SEMA3D: variants seen among roughly 807,000 people sequenced by gnomAD.
The protein encoded by SEMA3D is semaphorin-3D.
Under a neutral mutation model 100.1 loss-of-function variants are expected in SEMA3D, and 84 were observed. That is an observed-to-expected ratio of 0.84 (90% confidence interval 0.70 to 1.01). The LOEUF (loss-of-function observed/expected upper bound fraction) is 1.01. Ranked by LOEUF, SEMA3D falls within the 50% of genes least tolerant of loss-of-function variation. The probability of loss-of-function intolerance (pLI) is 0.00; values close to 1 mark genes in which losing one functional copy is unlikely to be tolerated. For synonymous variants in SEMA3D, 312 were observed against 320.7 expected, an observed-to-expected ratio of 0.97 and a Z score of 0.29; for missense variants, 875 against 934.1, an observed-to-expected ratio of 0.94 and a Z score of 0.82.
intron 8 of SEMA3D, among the ~76,000 whole-genome samples, chr7:85,063,582 T>C (rs1791534363): frequency 6.6e-6 from 1 of 152,212 alleles, no homozygotes; most frequent in Non-Finnish European, 1.5e-5. Context: ...ATATTCTCTC[T>C]CAAATATTCT....
At chr7:85,205,614 TC>T in the SEMA3D span, among the ~76,000 whole-genome samples, 1 of 152,074 alleles carries the variant, frequency 6.6e-6, no homozygotes, top group Non-Finnish European at 1.5e-5. Context: ...TTAAAAAAAA[TC>T]AAACCCTGGG....
At chr7:85,135,660 T>TAAAG (rs994998387) in intron 2 of SEMA3D, among the ~76,000 whole-genome samples, 5 of 144,686 alleles carry the variant, frequency 3.5e-5, no homozygotes, top group African/African-American at 1.3e-4. Context: ...TATAATAAAA[T>TAAAG]AAATAAATAA....
chr7:85,020,364 A>G, intron 13 of SEMA3D, 43 bp from the exon 14 acceptor site: 1 of 1,429,000 alleles, frequency 7.0e-7, no homozygotes, highest in Non-Finnish European at 9.8e-7. Flanking sequence ...TTCTATCTCA[A>G]AAATTAGTGG....
intron 2 of SEMA3D, chr7:85,143,018 A>G (rs1159611629): frequency 2.1e-6 from 2 of 958,222 alleles, no homozygotes; most frequent in Non-Finnish European, 2.5e-6. Flanking sequence ...TTCAATAAAT[A>G]TGGCTTTCAT....
chr7:85,104,877 T>C (rs1224461183), intron 3 of SEMA3D, among the ~76,000 whole-genome samples: 2 of 151,652 alleles, frequency 1.3e-5, no homozygotes, highest in African/African-American at 4.8e-5. Context: ...AAAAAGAAAA[T>C]CAGCTTTGGA....
At chr7:85,235,335 T>C in the SEMA3D span, among the ~76,000 whole-genome samples, 4 of 152,168 alleles carry the variant, frequency 2.6e-5, no homozygotes, top group African/African-American at 9.7e-5. Context: ...GTCGGGGGTA[T>C]TTATAAGGCA....
chr7:85,162,507 C>A (rs1487326210), intron 1 of SEMA3D, among the ~76,000 whole-genome samples: 1 of 152,034 alleles, frequency 6.6e-6, no homozygotes. Flanking sequence ...ATTGAATGAC[C>A]TTTGTTTTCT....
At chr7:85,225,050 TTATATATATA>T in the SEMA3D span, among the ~76,000 whole-genome samples, 1,559 of 76,684 alleles carry the variant, frequency 0.02, 30 homozygotes, top group East Asian at 0.04. Flanking sequence ...TGATTTTCTT[TTATATATATA>T]TATATATATA....
intron 1 of SEMA3D, among the ~76,000 whole-genome samples, chr7:85,171,964 T>A (rs1447857696): frequency 6.6e-6 from 1 of 151,650 alleles, no homozygotes; most frequent in African/African-American, 2.4e-5. Flanking sequence ...TGTGTGGGTG[T>A]GTGTGTGGGT....
intron 8 of SEMA3D, among the ~76,000 whole-genome samples, chr7:85,056,413 A>G (rs1791319325): frequency 6.6e-6 from 1 of 151,912 alleles, no homozygotes; most frequent in African/African-American, 2.4e-5. Flanking sequence ...TTGACACATT[A>G]TTTATCTTTT....
chr7:85,154,178 T>C (rs1393234853), intron 1 of SEMA3D, among the ~76,000 whole-genome samples: 1 of 151,918 alleles, frequency 6.6e-6, no homozygotes, highest in Non-Finnish European at 1.5e-5. Context: ...AGCCATCATA[T>C]TTCCTGTGCC....
intron 6 of SEMA3D, among the ~76,000 whole-genome samples, chr7:85,072,702 C>T (rs756651595): frequency 3.3e-5 from 5 of 152,076 alleles, no homozygotes; most frequent in Non-Finnish European, 5.9e-5. Context: ...GTTACTATAT[C>T]GTTCATAAAC....
At chr7:85,250,021 C>T in the SEMA3D span, among the ~76,000 whole-genome samples, 7 of 152,102 alleles carry the variant, frequency 4.6e-5, no homozygotes, top group East Asian at 2.0e-4. Context: ...GCACCGTGCA[C>T]GAGCCAAAGC....
chr7:85,209,967 T>G, the SEMA3D span, among the ~76,000 whole-genome samples: 1 of 151,976 alleles, frequency 6.6e-6, no homozygotes, highest in Non-Finnish European at 1.5e-5. Flanking sequence ...AGTAGTGGAG[T>G]GATAACTCCT....
chr7:85,134,030 C>A (rs1383935635), intron 2 of SEMA3D, among the ~76,000 whole-genome samples: 3 of 151,950 alleles, frequency 2.0e-5, no homozygotes, highest in Admixed American at 1.3e-4. Flanking sequence ...TCTCAACTCC[C>A]ATTCCACAGT....
At chr7:85,151,833 G>T in intron 2 of SEMA3D, 2 of 644,314 alleles carry the variant, frequency 3.1e-6, no homozygotes, top group Non-Finnish European at 3.9e-6. Context: ...TAGACTGTCT[G>T]TAAAAAAAAG....
intron 4 of SEMA3D, among the ~76,000 whole-genome samples, chr7:85,088,405 GAC>G (rs1164788819): frequency 6.6e-6 from 1 of 152,106 alleles, no homozygotes; most frequent in Non-Finnish European, 1.5e-5. Flanking sequence ...AACTGAATGA[GAC>G]ACACAAAAGG....
intron 2 of SEMA3D, among the ~76,000 whole-genome samples, chr7:85,136,499 G>A (rs1049016830): frequency 3.0e-4 from 45 of 151,900 alleles, no homozygotes; most frequent in African/African-American, 9.2e-4. Context: ...TCAATGTAGC[G>A]CAATATGGTA....
chr7:84,997,709 C>G lies in SEMA3D; in HGVS notation c.*1731G>C, dbSNP rs945375324. 6.6e-6 allele frequency: 1 copy of G among 152,476 alleles called. No individual in the cohort carries two copies. Among genetic ancestry groups the G allele is most frequent in the Non-Finnish European group, 1.5e-5 (1 of 67,974 alleles). 9.4% of individuals were successfully genotyped at this position (152,476 alleles called of 1,614,324 possible). A position where few individuals can be genotyped will look rare whatever the true frequency, so the allele number is the denominator to read the frequency against. The stretch of plus-strand genomic sequence containing the variant: ...GCCCTCTAATCACAGGGTTTTCTCA[C>G]AGACTTTTCTTTCAAGATATGTAGA... On this transcript the variant is annotated 3_prime_UTR_variant, in exon 19 of 19. Coordinates refer to ENST00000284136, the MANE Select transcript of SEMA3D (RefSeq NM_001384900.1).
Sources: gnomAD v4.1 joint callset for allele counts (sites outside exome capture counted in the v4.1 genomes callset) on GRCh38, gnomAD v4.1.1 for gene constraint, MANE v1.5 for transcripts, NCBI Gene and HGNC (gene_info 2026-07-23, HGNC 2026-07-21) for gene names.